The following BTBD9 variants were observed in gnomAD, a reference collection of about 807,000 sequenced individuals.
BTBD9 encodes BTB/POZ domain-containing protein 9.
BTBD9 carries 49 observed loss-of-function variants against 64.3 expected under a neutral mutation model. The ratio of observed to expected loss-of-function variants is 0.76; its 90% CI spans 0.61 to 0.97. BTBD9 has a LOEUF of 0.97. BTBD9 is among the 50% of genes least tolerant of loss of function. The probability of loss-of-function intolerance (pLI) is 0.00; values close to 1 mark genes in which losing one functional copy is unlikely to be tolerated. For missense variants in BTBD9, 598 were observed against 762.1 expected (o/e 0.78, Z 2.53); for synonymous variants, 260 against 274.7 (o/e 0.95, Z 0.53).
chr6:38,414,527 C>T (rs1279098580), intron 6 of BTBD9, among the ~76,000 whole-genome samples: 1 of 152,084 alleles, frequency 6.6e-6, no homozygotes, highest in Admixed American at 6.6e-5. Flanking sequence ...TGGCTACTGC[C>T]CTTTCTCCTT....
At chr6:38,348,795 T>A (rs1764387395) in intron 6 of BTBD9, among the ~76,000 whole-genome samples, 1 of 152,228 alleles carries the variant, frequency 6.6e-6, no homozygotes, top group Non-Finnish European at 1.5e-5. Context: ...GACAGCACTC[T>A]AAAACTGAAA....
chr6:38,238,158 C>A (rs1224248025), intron 9 of BTBD9, among the ~76,000 whole-genome samples: 1 of 152,100 alleles, frequency 6.6e-6, no homozygotes, highest in Admixed American at 6.5e-5. Flanking sequence ...CTTTTTTAAA[C>A]AAAAAATTTG....
In BTBD9 at chr6:38,571,432, T is replaced by C. The variant is rs186564589; in HGVS notation, c.1154+6168A>G. 7.8e-4 allele frequency among the ~76,000 whole-genome samples: 118 copies of C among 152,252 alleles called. 1 individual carries two copies. Among genetic ancestry groups the C allele is most frequent in the Non-Finnish European group, 4.4e-5 (3 of 68,014 alleles). On this transcript the variant is annotated intron_variant, in intron 6 of 10. Coordinates refer to ENST00000481247, the MANE Select transcript of BTBD9 (RefSeq NM_001099272.2). ...TATTTTATGTAGATCTATAGCACTA[T>C]GTAAGTACTATAATCTAATGAGAAT...
At chr6:38,290,944 G>A (rs1417410454) in intron 7 of BTBD9, among the ~76,000 whole-genome samples, 1 of 152,180 alleles carries the variant, frequency 6.6e-6, no homozygotes, top group Non-Finnish European at 1.5e-5. Flanking sequence ...GTATTTCAAT[G>A]TATGAATATT....
At chr6:38,609,085 G>A (rs1442490975) in intron 1 of BTBD9, among the ~76,000 whole-genome samples, 1 of 152,182 alleles carries the variant, frequency 6.6e-6, no homozygotes, top group Non-Finnish European at 1.5e-5. Context: ...CAGTGTGTAT[G>A]TAAGAATAAA....
intron 10 of BTBD9, chr6:38,179,419 C>T (rs772280817): frequency 9.6e-5 from 44 of 456,558 alleles, no homozygotes; most frequent in Non-Finnish European, 1.9e-4. Flanking sequence ...CTGGAAGGGA[C>T]GGGGGCGGGC....
chr6:38,540,057 T>G (rs747807418), intron 6 of BTBD9, among the ~76,000 whole-genome samples: 1 of 152,188 alleles, frequency 6.6e-6, no homozygotes, highest in African/African-American at 2.4e-5. Flanking sequence ...GAATGGGACA[T>G]GACAATCATA....
intron 6 of BTBD9, among the ~76,000 whole-genome samples, chr6:38,478,135 A>G (rs1302688077): frequency 1.3e-5 from 2 of 152,228 alleles, no homozygotes; most frequent in Admixed American, 1.3e-4. Flanking sequence ...TTTTCCCTCA[A>G]CTGCTTCCTA....
intron 7 of BTBD9, among the ~76,000 whole-genome samples, chr6:38,322,729 GT>G (rs1763283916): frequency 6.6e-6 from 1 of 152,240 alleles, no homozygotes; most frequent in African/African-American, 2.4e-5. Context: ...GCAGTTAATT[GT>G]TTATTATACA....
intron 7 of BTBD9, among the ~76,000 whole-genome samples, chr6:38,323,820 C>G (rs1763322327): frequency 6.6e-6 from 1 of 152,126 alleles, no homozygotes; most frequent in Admixed American, 6.6e-5. Context: ...CTGTAAAGCC[C>G]AGGTGTGGTG....
chr6:38,544,725 G>A (rs1002255741), intron 6 of BTBD9, among the ~76,000 whole-genome samples: 1 of 151,904 alleles, frequency 6.6e-6, no homozygotes, highest in Non-Finnish European at 1.5e-5. Flanking sequence ...TCAGGAGTTC[G>A]AGACCAGGTT....
intron 7 of BTBD9, among the ~76,000 whole-genome samples, chr6:38,312,778 C>T (rs976183240): frequency 1.8e-4 from 27 of 152,130 alleles, no homozygotes; most frequent in Non-Finnish European, 8.8e-5. Flanking sequence ...TCTGTTTTTA[C>T]GCCAGCACCA....
chr6:38,573,041 A>G (rs1182025032), intron 6 of BTBD9, among the ~76,000 whole-genome samples: 2 of 152,096 alleles, frequency 1.3e-5, no homozygotes, highest in Non-Finnish European at 2.9e-5. Flanking sequence ...CACAAGACAA[A>G]AAGAAAACTA....
At chr6:38,627,028 G>A (rs751568955) in intron 1 of BTBD9, among the ~76,000 whole-genome samples, 45 of 152,076 alleles carry the variant, frequency 3.0e-4, no homozygotes, top group Non-Finnish European at 6.3e-4. Context: ...TCAATCTAGG[G>A]GTGACAGACC....
At chr6:38,540,493 C>T (rs1195791841) in intron 6 of BTBD9, among the ~76,000 whole-genome samples, 1 of 152,166 alleles carries the variant, frequency 6.6e-6, no homozygotes, top group African/African-American at 2.4e-5. Flanking sequence ...ACCTATAAAG[C>T]ATTTATTTTT....
intron 9 of BTBD9, among the ~76,000 whole-genome samples, chr6:38,217,034 C>T (rs1274307724): frequency 2.6e-5 from 4 of 151,684 alleles, no homozygotes; most frequent in African/African-American, 4.9e-5. Flanking sequence ...CTGGGCCAGG[C>T]GCAGTAGCTC....
intron 6 of BTBD9, among the ~76,000 whole-genome samples, chr6:38,373,398 T>C (rs1165296900): frequency 4.6e-5 from 7 of 152,208 alleles, no homozygotes; most frequent in Admixed American, 3.3e-4. Flanking sequence ...TCTCTGTATT[T>C]CCCACGTTCT....
chr6:38,378,594 C>A (rs1765791095), intron 6 of BTBD9, among the ~76,000 whole-genome samples: 1 of 151,164 alleles, frequency 6.6e-6, no homozygotes, highest in African/African-American at 2.4e-5. Context: ...GCAGTAAAGG[C>A]CAGGTGCAGT....
intron 7 of BTBD9, among the ~76,000 whole-genome samples, chr6:38,303,866 T>TAG (rs1762507950): frequency 1.6e-5 from 2 of 121,236 alleles, no homozygotes; most frequent in Non-Finnish European, 3.3e-5. Context: ...TATATATATA[T>TAG]ATATATATAC....
Sources: gnomAD v4.1 joint callset for allele counts (sites outside exome capture counted in the v4.1 genomes callset) on GRCh38, gnomAD v4.1.1 for gene constraint, MANE v1.5 for transcripts, NCBI Gene and HGNC (gene_info 2026-07-23, HGNC 2026-07-21) for gene names.